The following DNAJC18 variants were observed in gnomAD, a reference collection of about 807,000 sequenced individuals.
DNAJC18 encodes DnaJ heat shock protein family (Hsp40) member C18.
Under a neutral mutation model 48.6 loss-of-function variants are expected in DNAJC18, and 40 were observed. That is an observed-to-expected ratio of 0.82 (90% CI 0.64 to 1.07). The LOEUF (loss-of-function observed/expected upper bound fraction) is 1.07, where lower values mean the gene tolerates loss of function less well. Among genes scored for constraint, DNAJC18 ranks in the 50% least tolerant of loss-of-function variants. The pLI, the probability that DNAJC18 is intolerant of heterozygous loss-of-function variation, is 0.00. For synonymous variants in DNAJC18, 135 were observed against 152.2 expected (o/e 0.89, Z 0.83); for missense variants, 340 against 427.7 (o/e 0.79, Z 1.81).
chr5:139,430,104 C>A (rs1025341750), intron 2 of DNAJC18, among the ~76,000 whole-genome samples: 1 of 151,594 alleles, frequency 6.6e-6, no homozygotes, highest in Non-Finnish European at 1.5e-5. Context: ...GTACAGGAAG[C>A]GAAAAAAAAT....
intron 6 of DNAJC18, among the ~76,000 whole-genome samples, chr5:139,420,628 CA>C (rs745988381): frequency 4.0e-5 from 6 of 148,788 alleles, no homozygotes; most frequent in East Asian, 2.0e-4. Flanking sequence ...AAATTATTTA[CA>C]AAAAAAACAG....
At chr5:139,419,466 G>A (rs1288448861) in intron 7 of DNAJC18, among the ~76,000 whole-genome samples, 1 of 152,276 alleles carries the variant, frequency 6.6e-6, no homozygotes, top group Non-Finnish European at 1.5e-5. Flanking sequence ...CCAGCTGGAG[G>A]TGAGGGTAGG....
At position 139,420,241 on chromosome 5, in the gene DNAJC18, A is replaced by C. The variant is rs1341398282; in HGVS notation, c.780-16T>G. ...GCCCAAGGTCCTGAAACAAGGAGAG[A>C]GAGGCTCATGTGAGCTCATAATATT... On this transcript the variant is annotated splice_polypyrimidine_tract_variant and intron_variant, in intron 6 of 7. Coordinates refer to ENST00000302060, the MANE Select transcript of DNAJC18 (RefSeq NM_152686.4). The C allele has an allele frequency of 8.8e-6, 14 of 1,597,978 alleles. No homozygotes were observed. The Admixed American group carries it at 2.4e-4, about 27-fold the overall frequency.
At chr5:139,417,204 A>T (rs1759083162) in intron 7 of DNAJC18, among the ~76,000 whole-genome samples, 1 of 152,144 alleles carries the variant, frequency 6.6e-6, no homozygotes, top group Admixed American at 6.5e-5. Context: ...AAAAAAAAAA[A>T]AAATTTTCAC....
chr5:139,422,683 A>G, intron 6 of DNAJC18, 25 bp downstream of exon 6: 1 of 1,533,350 alleles, frequency 6.5e-7, no homozygotes. Context: ...TGTTACTGAG[A>G]AAGATTTAGA....
intron 2 of DNAJC18, among the ~76,000 whole-genome samples, chr5:139,435,443 GTA>G (rs1390752488): frequency 6.6e-6 from 1 of 152,076 alleles, no homozygotes; most frequent in African/African-American, 2.4e-5. Flanking sequence ...TATTAACATG[GTA>G]TGTTACATTG....
chr5:139,430,105 G>GA (rs965991665), intron 2 of DNAJC18, among the ~76,000 whole-genome samples: 5 of 151,788 alleles, frequency 3.3e-5, no homozygotes. Flanking sequence ...TACAGGAAGC[G>GA]AAAAAAAATT....
chr5:139,429,080 C>CTTTTTTTTTTTTT (rs559935676), intron 2 of DNAJC18, among the ~76,000 whole-genome samples: 13 of 114,586 alleles, frequency 1.1e-4, no homozygotes, highest in Non-Finnish European at 1.7e-4. Context: ...GTATTTTTTG[C>CTTTTTTTTTTTTT]TTTTTTTTTT....
chr5:139,412,496 G>C lies in DNAJC18; in HGVS notation c.*1652C>G. On this transcript the variant is annotated 3_prime_UTR_variant, in exon 8 of 8. Coordinates refer to ENST00000302060, the MANE Select transcript of DNAJC18 (RefSeq NM_152686.4). ...GGCTGGTCTTGAACTCCTGACCTCAGGTGATCCACCTGCCACAGCCTCCCA... is the reference window on the plus strand; with the variant it reads ...GGCTGGTCTTGAACTCCTGACCTCACGTGATCCACCTGCCACAGCCTCCCA... 2.7e-6 allele frequency: 1 copy of C among 373,108 alleles called. No individual in the cohort carries two copies. Among genetic ancestry groups the C allele is most frequent in the Non-Finnish European group, 4.7e-6 (1 of 210,754 alleles). 23.1% of individuals were successfully genotyped at this position (373,108 alleles called of 1,614,324 possible). A position where few individuals can be genotyped will look rare whatever the true frequency, so the allele number is the denominator to read the frequency against.
Position 139,412,948 on chromosome 5 carries a change from G to C in DNAJC18, c.*1200C>G, listed in dbSNP as rs1759014587. The C allele has an allele frequency of 2.5e-6, 1 of 398,556 alleles. No individual in the cohort carries two copies. The highest frequency in any genetic ancestry group is 3.6e-5 in the East Asian group (1 of 28,080). 24.7% of individuals were successfully genotyped at this position (398,556 alleles called of 1,614,324 possible). A position where few individuals can be genotyped will look rare whatever the true frequency, so the allele number is the denominator to read the frequency against. ...CTAGAATCACCTGAGACATGAGGAT[G>C]CTCTCCCACTTTCTACTTGACACTC... On this transcript the variant is annotated 3_prime_UTR_variant, in exon 8 of 8. Transcript: ENST00000302060.
At chr5:139,415,768 C>T (rs1013805482) in intron 7 of DNAJC18, among the ~76,000 whole-genome samples, 1 of 152,318 alleles carries the variant, frequency 6.6e-6, no homozygotes, top group Non-Finnish European at 1.5e-5. Flanking sequence ...CAGTCTATGC[C>T]TTTAGTCCTC....
rs1457976684 is a variant in DNAJC18, at chr5:139,426,367, A to G, written c.374-10T>C. 1.2e-6 allele frequency: 2 copies of G among 1,613,372 alleles called. No homozygotes were observed. Among genetic ancestry groups the G allele is most frequent in the African/African-American group, 1.3e-5 (1 of 74,910 alleles). On this transcript the variant is annotated splice_polypyrimidine_tract_variant and intron_variant, in intron 3 of 7. Transcript: ENST00000302060. ...AATGCATTTCCTATTGCTGCAACCAACAAGAACCAGCACATGAGGACACAG... is the reference window on the plus strand; with the variant it reads ...AATGCATTTCCTATTGCTGCAACCAGCAAGAACCAGCACATGAGGACACAG...
intron 6 of DNAJC18, 35 bp from the exon 7 acceptor site, chr5:139,420,260 T>C (rs1484945653): frequency 1.3e-6 from 2 of 1,575,946 alleles, no homozygotes; most frequent in Non-Finnish European, 1.7e-6. Flanking sequence ...TGTGAGCTCA[T>C]AATATTTGGC....
chr5:139,436,366 G>A (rs992681159), intron 2 of DNAJC18, among the ~76,000 whole-genome samples: 2 of 151,468 alleles, frequency 1.3e-5, no homozygotes, highest in African/African-American at 4.9e-5. Flanking sequence ...GGGATTACAG[G>A]TGTGACCCAC....
chr5:139,426,033 CA>C (rs1190625491), intron 4 of DNAJC18, 138 bp downstream of exon 4: 6 of 983,110 alleles, frequency 6.1e-6, no homozygotes, highest in Non-Finnish European at 8.9e-6. Flanking sequence ...AGACTTGCCT[CA>C]AACTCCTGCT....
chr5:139,422,632 G>C, intron 6 of DNAJC18, 76 bp downstream of exon 6: 1 of 1,079,796 alleles, frequency 9.3e-7, no homozygotes, highest in Non-Finnish European at 1.4e-6. Context: ...TGAAATGTTA[G>C]TAATGTATCA....
chr5:139,436,524 T>C lies in DNAJC18; in HGVS notation c.227+848A>G, dbSNP rs1327091107. 4.2e-5 allele frequency among the ~76,000 whole-genome samples: 6 copies of C among 142,686 alleles called. No individual in the cohort carries two copies. In the East Asian group the frequency reaches 7.9e-4, roughly 19 times the overall value. The allele number at this position is 142,686 out of a possible 152,430, so 93.6% of individuals were successfully genotyped here. The stretch of plus-strand genomic sequence containing the variant: ...AGGGATATCCCTCTTTCTTTTTTTT[T>C]TTTTTTTTTTTTTTTGAGAGACAGG... On this transcript the variant is annotated intron_variant, in intron 2 of 7. Coordinates refer to ENST00000302060, the MANE Select transcript of DNAJC18 (RefSeq NM_152686.4).
At chr5:139,421,127 G>C (rs966862399) in intron 6 of DNAJC18, among the ~76,000 whole-genome samples, 4 of 151,814 alleles carry the variant, frequency 2.6e-5, no homozygotes. Flanking sequence ...CTGGGAAACA[G>C]AGGGAATCAG....
chr5:139,410,773 C>CTT lies in DNAJC18; in HGVS notation c.*3373_*3374dup, dbSNP rs1215289273. On this transcript the variant is annotated 3_prime_UTR_variant, in exon 8 of 8. Transcript: ENST00000302060. ...GTTCACTGTATTTTCTTTTTTCTTTCTTTTTTTTTTTTTGAGACAGAGTCT... is the reference window on the plus strand; with the variant it reads ...GTTCACTGTATTTTCTTTTTTCTTTCTTTTTTTTTTTTTTTGAGACAGAGTCT... 6 of 145,282 alleles carry CTT rather than the reference C, an allele frequency of 4.1e-5. No homozygotes were observed. The highest frequency in any genetic ancestry group is 3.0e-5 in the Non-Finnish European group (2 of 66,056). The allele number at this position is 145,282 out of a possible 1,614,324, so 9.0% of individuals were successfully genotyped here.
Sources: gnomAD v4.1 joint callset for allele counts (sites outside exome capture counted in the v4.1 genomes callset) on GRCh38, gnomAD v4.1.1 for gene constraint, MANE v1.5 for transcripts, NCBI Gene and HGNC (gene_info 2026-07-23, HGNC 2026-07-21) for gene names.